KCND2: variants seen among roughly 807,000 people sequenced by gnomAD.
The protein encoded by KCND2 is potassium voltage-gated channel subfamily D member 2, also known as A-type voltage-gated potassium channel KCND2.
A neutral mutation model predicts 54.4 loss-of-function variants in KCND2; 16 were observed. The ratio of observed to expected loss-of-function variants is 0.29; its 90% CI spans 0.20 to 0.45. The LOEUF (loss-of-function observed/expected upper bound fraction) is 0.45, where lower values mean the gene tolerates loss of function less well. Among genes scored for constraint, KCND2 ranks in the 20% least tolerant of loss-of-function variants. KCND2 has a pLI of 1.00. For synonymous variants in KCND2, 317 were observed against 310.7 expected, an observed-to-expected ratio of 1.02 and a Z score of -0.21; for missense variants, 486 against 824.2, an observed-to-expected ratio of 0.59 and a Z score of 5.02.
chr7:120,471,938 A>G (rs1016216443), intron 1 of KCND2, among the ~76,000 whole-genome samples: 1 of 151,808 alleles, frequency 6.6e-6, no homozygotes, highest in African/African-American at 2.4e-5. Flanking sequence ...TCAAAGAACA[A>G]CTAGACTATA....
chr7:120,732,126 T>C (rs1167758698), intron 1 of KCND2, among the ~76,000 whole-genome samples: 4 of 152,100 alleles, frequency 2.6e-5, no homozygotes, highest in African/African-American at 9.7e-5. Flanking sequence ...AGCTATGAGA[T>C]TGGACAAAGT....
At chr7:120,345,506 A>G (rs958704328) in intron 1 of KCND2, among the ~76,000 whole-genome samples, 2 of 152,164 alleles carry the variant, frequency 1.3e-5, no homozygotes, top group East Asian at 3.9e-4. Flanking sequence ...TCACCTTACA[A>G]AACCGAAACT....
At chr7:120,370,396 G>C (rs1800748721) in intron 1 of KCND2, among the ~76,000 whole-genome samples, 1 of 151,930 alleles carries the variant, frequency 6.6e-6, no homozygotes, top group South Asian at 2.1e-4. Flanking sequence ...GATGTCTTCT[G>C]ACTTATTTGC....
chr7:120,658,745 C>G (rs1791832494), intron 1 of KCND2, among the ~76,000 whole-genome samples: 1 of 152,202 alleles, frequency 6.6e-6, no homozygotes, highest in Admixed American at 6.5e-5. Flanking sequence ...TATTCATTCT[C>G]TTAATCATTA....
At chr7:120,630,632 C>T (rs888234921) in intron 1 of KCND2, among the ~76,000 whole-genome samples, 4 of 152,052 alleles carry the variant, frequency 2.6e-5, no homozygotes, top group Non-Finnish European at 5.9e-5. Context: ...CTATAAAATA[C>T]TAGTAAAGCT....
chr7:120,584,081 G>A (rs1162926374), intron 1 of KCND2, among the ~76,000 whole-genome samples: 2 of 152,166 alleles, frequency 1.3e-5, no homozygotes, highest in Admixed American at 1.3e-4. Flanking sequence ...ATTCCCTTGA[G>A]AAATTCTCTT....
At chr7:120,650,458 A>G (rs1183656849) in intron 1 of KCND2, among the ~76,000 whole-genome samples, 1 of 137,414 alleles carries the variant, frequency 7.3e-6, no homozygotes, top group African/African-American at 2.9e-5. Context: ...CATGGTTTTC[A>G]GCTCCATCAG....
At chr7:120,648,603 G>C (rs1793470085) in intron 1 of KCND2, among the ~76,000 whole-genome samples, 1 of 152,180 alleles carries the variant, frequency 6.6e-6, no homozygotes, top group Non-Finnish European at 1.5e-5. Flanking sequence ...CTGTGCAAGA[G>C]TGAAGGAATT....
At chr7:120,357,604 G>A (rs989687984) in intron 1 of KCND2, among the ~76,000 whole-genome samples, 3 of 151,934 alleles carry the variant, frequency 2.0e-5, no homozygotes, top group Admixed American at 6.6e-5. Flanking sequence ...AGTCAAAGAA[G>A]GAAGAAAAGA....
intron 1 of KCND2, chr7:120,672,756 A>T (rs1277680789): frequency 6.6e-6 from 1 of 152,058 alleles, no homozygotes; most frequent in Non-Finnish European, 1.5e-5. Flanking sequence ...TTAAAATATG[A>T]CTGTATTTGG....
chr7:120,681,741 G>C (rs1457670660), intron 1 of KCND2, among the ~76,000 whole-genome samples: 1 of 151,858 alleles, frequency 6.6e-6, no homozygotes, highest in African/African-American at 2.4e-5. Context: ...CTTATCAGCA[G>C]AATACTATGA....
chr7:120,489,431 G>A (rs1169421450), intron 1 of KCND2, among the ~76,000 whole-genome samples: 1 of 152,014 alleles, frequency 6.6e-6, no homozygotes, highest in Non-Finnish European at 1.5e-5. Context: ...CTCAGTTGTT[G>A]GAGTTATAAA....
At chr7:120,449,086 T>C (rs976280405) in intron 1 of KCND2, among the ~76,000 whole-genome samples, 1 of 152,040 alleles carries the variant, frequency 6.6e-6, no homozygotes, top group African/African-American at 2.4e-5. Flanking sequence ...TCCCAGCACT[T>C]TGGGAGGCCG....
intron 1 of KCND2, among the ~76,000 whole-genome samples, chr7:120,581,146 C>G (rs1022442626): frequency 6.6e-6 from 1 of 152,162 alleles, no homozygotes; most frequent in African/African-American, 2.4e-5. Flanking sequence ...ACGAAGCATA[C>G]CCAGCTAGGC....
At chr7:120,445,647 C>T (rs1802009314) in intron 1 of KCND2, among the ~76,000 whole-genome samples, 1 of 152,086 alleles carries the variant, frequency 6.6e-6, no homozygotes. Flanking sequence ...TGTATATTAT[C>T]TTATTTTTAA....
chr7:120,660,294 C>T (rs1791850163), intron 1 of KCND2, among the ~76,000 whole-genome samples: 1 of 152,178 alleles, frequency 6.6e-6, no homozygotes, highest in Admixed American at 6.5e-5. Flanking sequence ...GACTAAAATG[C>T]ATACATTCTT....
chr7:120,522,478 G>A (rs1158407546), intron 1 of KCND2, among the ~76,000 whole-genome samples: 1 of 152,152 alleles, frequency 6.6e-6, no homozygotes, highest in Non-Finnish European at 1.5e-5. Context: ...ATGTAAAGTG[G>A]CCTTTGGAAG....
chr7:120,658,856 C>T (rs188758822), intron 1 of KCND2, among the ~76,000 whole-genome samples: 3 of 152,274 alleles, frequency 2.0e-5, no homozygotes, highest in Non-Finnish European at 2.9e-5. Context: ...ATTAATTCAA[C>T]AATTATGAAG....
intron 1 of KCND2, among the ~76,000 whole-genome samples, chr7:120,440,866 ATT>A (rs1419971656): frequency 6.6e-6 from 1 of 151,948 alleles, no homozygotes; most frequent in Non-Finnish European, 1.5e-5. Context: ...ATCACAATCT[ATT>A]TTTCAATAAG....
Sources: allele counts gnomAD v4.1 joint callset (sites outside exome capture counted in the v4.1 genomes callset), GRCh38; gene constraint gnomAD v4.1.1; transcripts MANE v1.5; gene names NCBI Gene and HGNC (gene_info 2026-07-23, HGNC 2026-07-21).